Variants in FYN observed in about 807,000 individuals in gnomAD.
FYN encodes tyrosine-protein kinase Fyn.
FYN carries 10 observed loss-of-function variants against 70.2 expected under a neutral mutation model. The observed-to-expected ratio is 0.14, with a 90% CI of 0.09 to 0.24. The LOEUF (loss-of-function observed/expected upper bound fraction) is 0.24, where lower values mean the gene tolerates loss of function less well. Among genes scored for constraint, FYN ranks in the 10% least tolerant of loss-of-function variants. The pLI, the probability that FYN is intolerant of heterozygous loss-of-function variation, is 1.00. For synonymous variants in FYN, 236 were observed against 248.6 expected (o/e 0.95, Z 0.48); for missense variants, 319 against 673.1 (o/e 0.47, Z 5.82).
intron 12 of FYN, among the ~76,000 whole-genome samples, chr6:111,680,596 G>C (rs754108807): frequency 3.3e-5 from 5 of 152,224 alleles, no homozygotes; most frequent in Non-Finnish European, 7.3e-5. Context: ...TGGGAAAAGT[G>C]TTTTGACTTT....
intron 3 of FYN, among the ~76,000 whole-genome samples, chr6:111,765,862 T>C (rs1214999775): frequency 1.3e-5 from 2 of 151,204 alleles, no homozygotes; most frequent in Non-Finnish European, 2.9e-5. Flanking sequence ...AGAAAATGAG[T>C]GTTCAAAGCC....
At chr6:111,737,371 A>C (rs532625790) in intron 3 of FYN, among the ~76,000 whole-genome samples, 2 of 152,272 alleles carry the variant, frequency 1.3e-5, no homozygotes, top group South Asian at 4.1e-4. Flanking sequence ...ATGTGCTTCT[A>C]ACCCACCGGC....
At chr6:111,668,848 A>G (rs1798128080) in intron 13 of FYN, among the ~76,000 whole-genome samples, 1 of 152,156 alleles carries the variant, frequency 6.6e-6, no homozygotes, top group Non-Finnish European at 1.5e-5. Flanking sequence ...GAGAGCTTTC[A>G]TTCGGCTTCC....
intron 5 of FYN, among the ~76,000 whole-genome samples, chr6:111,711,751 G>A (rs775319458): frequency 3.9e-5 from 6 of 152,216 alleles, no homozygotes; most frequent in Non-Finnish European, 5.9e-5. Flanking sequence ...GGGAGGAGCC[G>A]TGTGCCATCT....
chr6:111,793,603 G>A (rs1229278634), intron 2 of FYN: 1 of 152,184 alleles, frequency 6.6e-6, no homozygotes, highest in Non-Finnish European at 1.5e-5. Context: ...GTCTGAAATA[G>A]TGAAAATAAC....
chr6:111,786,306 G>A (rs529553265), intron 2 of FYN, among the ~76,000 whole-genome samples: 103 of 151,892 alleles, frequency 6.8e-4, no homozygotes, highest in African/African-American at 1.9e-3. Flanking sequence ...GAGAACATGC[G>A]GTGTTTGGTT....
chr6:111,802,654 C>G (rs1262387028), intron 2 of FYN, among the ~76,000 whole-genome samples: 1 of 152,114 alleles, frequency 6.6e-6, no homozygotes, highest in Admixed American at 6.5e-5. Context: ...GTCTCGAACT[C>G]CTGACCTCAA....
chr6:111,784,963 T>C (rs1373102768), intron 2 of FYN, among the ~76,000 whole-genome samples: 1 of 152,232 alleles, frequency 6.6e-6, no homozygotes, highest in Admixed American at 6.5e-5. Flanking sequence ...GCTTCACACA[T>C]AGAAGTGACA....
intron 3 of FYN, among the ~76,000 whole-genome samples, chr6:111,731,289 C>A (rs1014079260): frequency 6.6e-6 from 1 of 152,206 alleles, no homozygotes; most frequent in South Asian, 2.1e-4. Context: ...GATCCAATTC[C>A]TTTAAAGACA....
At chr6:111,821,433 G>A (rs1456441242) in intron 2 of FYN, among the ~76,000 whole-genome samples, 3 of 152,182 alleles carry the variant, frequency 2.0e-5, no homozygotes, top group Non-Finnish European at 4.4e-5. Flanking sequence ...CTAGCCATAT[G>A]TAGAGAGCTG....
intron 3 of FYN, among the ~76,000 whole-genome samples, chr6:111,737,921 T>C (rs1222725671): frequency 6.6e-6 from 1 of 152,128 alleles, no homozygotes; most frequent in Non-Finnish European, 1.5e-5. Context: ...TATTTTCCCA[T>C]AAAAAAACAA....
intron 3 of FYN, among the ~76,000 whole-genome samples, chr6:111,740,249 G>A (rs1801900527): frequency 6.6e-6 from 1 of 152,124 alleles, no homozygotes; most frequent in Non-Finnish European, 1.5e-5. Flanking sequence ...TTCCCCTGTT[G>A]GGAATTATCC....
At chr6:111,692,104 C>CT (rs1044137132) in intron 12 of FYN, among the ~76,000 whole-genome samples, 1 of 145,886 alleles carries the variant, frequency 6.9e-6, no homozygotes, top group African/African-American at 2.5e-5. Context: ...CTTCATTTCC[C>CT]CCCCCCCCAG....
intron 3 of FYN, among the ~76,000 whole-genome samples, chr6:111,777,523 T>C (rs1352918768): frequency 6.6e-6 from 1 of 152,124 alleles, no homozygotes; most frequent in African/African-American, 2.4e-5. Flanking sequence ...TCAAGACATT[T>C]GGCAGCATCT....
At chr6:111,852,249 G>A (rs1773705783) in intron 1 of FYN, among the ~76,000 whole-genome samples, 1 of 152,202 alleles carries the variant, frequency 6.6e-6, no homozygotes, top group South Asian at 2.1e-4. Context: ...CATAAATGGG[G>A]CTTGATGTGG....
intron 2 of FYN, chr6:111,798,339 A>C (rs1462665528): frequency 6.6e-6 from 1 of 152,208 alleles, no homozygotes; most frequent in Non-Finnish European, 1.5e-5. Flanking sequence ...ATATATTCAT[A>C]TATTCCTAAA....
intron 12 of FYN, among the ~76,000 whole-genome samples, chr6:111,683,753 C>T (rs1037061629): frequency 1.3e-5 from 2 of 151,392 alleles, no homozygotes; most frequent in African/African-American, 4.9e-5. Context: ...CAAACAATGC[C>T]AATAACAGAA....
chr6:111,808,130 CA>C (rs944204030), intron 2 of FYN, among the ~76,000 whole-genome samples: 39 of 151,862 alleles, frequency 2.6e-4, no homozygotes, highest in African/African-American at 9.2e-4. Flanking sequence ...AAACAAAAAA[CA>C]AAAAAAACCT....
chr6:111,739,175 C>T (rs1448866780), intron 3 of FYN, among the ~76,000 whole-genome samples: 3 of 152,240 alleles, frequency 2.0e-5, no homozygotes, highest in Non-Finnish European at 4.4e-5. Flanking sequence ...AAAAGCTCTA[C>T]AGATTCCACT....
Sources: allele counts gnomAD v4.1 joint callset (sites outside exome capture counted in the v4.1 genomes callset), GRCh38; gene constraint gnomAD v4.1.1; transcripts MANE v1.5; gene names NCBI Gene and HGNC (gene_info 2026-07-23, HGNC 2026-07-21).